The following GCN1 variants were observed in gnomAD, a reference collection of about 807,000 sequenced individuals.
GCN1 encodes GCN1 activator of EIF2AK4, also known as stalled ribosome sensor GCN1.
A neutral mutation model predicts 288.4 loss-of-function variants in GCN1; 90 were observed. The ratio of observed to expected loss-of-function variants is 0.31; its 90% CI spans 0.26 to 0.37. GCN1 has a LOEUF of 0.37. Ranked by LOEUF, GCN1 falls within the 10% of genes least tolerant of loss-of-function variation. The pLI, the probability that GCN1 is intolerant of heterozygous loss-of-function variation, is 1.00. For missense variants in GCN1, 2,586 were observed against 3,419.9 expected (o/e 0.76, Z 6.08); for synonymous variants, 1,386 against 1,420.2 (o/e 0.98, Z 0.54).
chr12:120,188,386 G>A (rs936042410), intron 2 of GCN1, among the ~76,000 whole-genome samples: 10 of 148,814 alleles, frequency 6.7e-5, no homozygotes, highest in Non-Finnish European at 1.5e-4. Context: ...GTGAGCAGAG[G>A]TCGCGCCACA....
At chr12:120,165,361 G>A (rs1460762355) in intron 16 of GCN1, among the ~76,000 whole-genome samples, 1 of 151,918 alleles carries the variant, frequency 6.6e-6, no homozygotes, top group Non-Finnish European at 1.5e-5. Context: ...GTAGAGACGG[G>A]GTTTCACCAG....
intron 1 of GCN1, among the ~76,000 whole-genome samples, chr12:120,191,231 C>T (rs888295491): frequency 1.3e-5 from 2 of 152,226 alleles, no homozygotes; most frequent in African/African-American, 4.8e-5. Flanking sequence ...TCGAGAGCCA[C>T]AGCACCTGCG....
In GCN1 at chr12:120,183,618, A is replaced by G; in HGVS notation, c.377T>C (p.Ile126Thr). Residue 126 changes from isoleucine (I) to threonine (T), a missense_variant, in exon 5 of 58, where the codon ATT (isoleucine) becomes ACT (threonine). By Grantham distance (89) the Ile-to-Thr change is moderately conservative. Coordinates refer to ENST00000300648, the MANE Select transcript of GCN1 (RefSeq NM_006836.2). ...ALTWTCLLVR[I>T]VFPSRAKRQG... ...TCGCTTGGCTCTCGATGGAAAGACA[A>G]TGCGCACCAGGAGGCAGGTCCAGGT... 1 of 1,613,846 alleles carries G rather than the reference A, an allele frequency of 6.2e-7. No homozygotes were observed. Among genetic ancestry groups the G allele is most frequent in the Non-Finnish European group, 8.5e-7 (1 of 1,179,754 alleles).
chr12:120,189,998 CA>C (rs948050626), intron 2 of GCN1, among the ~76,000 whole-genome samples: 4 of 150,908 alleles, frequency 2.7e-5, no homozygotes, highest in Admixed American at 2.6e-4. Context: ...GAAAAAAACA[CA>C]AAAAAAACCA....
intron 5 of GCN1, among the ~76,000 whole-genome samples, chr12:120,181,232 G>A (rs1412477573): frequency 6.6e-6 from 1 of 151,864 alleles, no homozygotes; most frequent in Non-Finnish European, 1.5e-5. Context: ...TTGGAAGACC[G>A]CAGCAGGTGG....
rs892313465 is a variant in GCN1, at chr12:120,151,161, G to C, written c.4293C>G (p.Asn1431Lys). ...GATGCTCACCCTCTCGCCGGCGGAA[G>C]TTCTTCTTATCTTGGATGGCATCAG... Reference protein sequence around the residue: ...ALTDAIQDKKNFRRREGALFA... With the variant: ...ALTDAIQDKKKFRRREGALFA... The change falls in exon 34 of 58, where the codon AAC becomes AAG. Residue 1431 changes from asparagine to lysine, a missense_variant. Physicochemically the swap from Asn to Lys is moderately conservative, Grantham distance 94. Transcript: ENST00000300648. The C allele has an allele frequency of 6.2e-7, 1 of 1,613,700 alleles. No homozygotes were observed. Among genetic ancestry groups the C allele is most frequent in the Non-Finnish European group, 8.5e-7 (1 of 1,179,972 alleles).
chr12:120,138,508 C>G, intron 46 of GCN1, 93 bp from the exon 47 acceptor site: 3 of 1,026,338 alleles, frequency 2.9e-6, no homozygotes, highest in Non-Finnish European at 4.6e-6. Flanking sequence ...GTTTCCCTCC[C>G]TCCTGTTGCA....
rs767995376 is a variant in GCN1, at chr12:120,136,772, C to A, written c.6778-40G>T. On this transcript the variant is annotated intron_variant, in intron 50 of 57. Transcript: ENST00000300648. ...ACAACTGAGAGTCAAATCTCAAACA[C>A]CCTGGGCCCTGGTGTCTCCCATGCA... 3.4e-6 allele frequency: 5 copies of A among 1,480,356 alleles called. No homozygotes were observed. The African/African-American group carries it at 6.9e-5, about 20-fold the overall frequency. The allele number at this position is 1,480,356 out of a possible 1,614,324, so 91.7% of individuals were successfully genotyped here.
intron 44 of GCN1, among the ~76,000 whole-genome samples, chr12:120,141,387 G>GA (rs369464044): frequency 2.0e-4 from 30 of 150,424 alleles, no homozygotes; most frequent in African/African-American, 6.1e-4. Flanking sequence ...AAGCTTTAAG[G>GA]AAAAAAAAAC....
intron 10 of GCN1, 58 bp from the exon 11 acceptor site, chr12:120,175,932 T>A: frequency 6.4e-7 from 1 of 1,573,824 alleles, no homozygotes; most frequent in Non-Finnish European, 8.6e-7. Context: ...CAGACTTTCG[T>A]CTTTGTCTTT....
chr12:120,134,314 G>A lies in GCN1; in HGVS notation c.7294C>T (p.Leu2432=), dbSNP rs1876925218. ...VIRKNIVSLL[L]SMLGHDEDNT... ...ACCTCATCGTGTCCCAGCATGCTCA[G>A]CAGGAGTGAGACGATGTTTTTCCGG... Residue 2432 remains leucine (L), a synonymous_variant, in exon 53 of 58, where the codon CTG becomes TTG. Coordinates refer to ENST00000300648, the MANE Select transcript of GCN1 (RefSeq NM_006836.2). This position sits in a 1 kb window ranked among gnomAD's most constrained non-coding sequence, Gnocchi z 5.0. The A allele has an allele frequency of 3.7e-6, 6 of 1,613,666 alleles. No individual in the cohort carries two copies. The highest frequency in any genetic ancestry group is 5.1e-6 in the Non-Finnish European group (6 of 1,179,630).
chr12:120,177,500 A>C lies in GCN1; in HGVS notation c.785T>G (p.Ile262Arg). 6.2e-7 allele frequency: 1 copy of C among 1,611,680 alleles called. No homozygotes were observed. Among genetic ancestry groups the C allele is most frequent in the Non-Finnish European group, 8.5e-7 (1 of 1,177,768 alleles). Reference sequence around the variant, plus strand: ...TAAGGACTTCTGTATGGTGGGCAGTATCAGATCCTTAAATTCTGAGTGGGA... The same window carrying C: ...TAAGGACTTCTGTATGGTGGGCAGTCTCAGATCCTTAAATTCTGAGTGGGA... ...YLSHSEFKDLILPTIQKSLLR... is the reference protein window; with the variant it reads ...YLSHSEFKDLRLPTIQKSLLR... The change falls in exon 9 of 58, where the codon ATA becomes AGA. Residue 262 changes from isoleucine to arginine, a missense_variant. Ile to Arg is a moderately conservative substitution (Grantham distance 97, BLOSUM62 -3). This residue lies in a region of GCN1 where 913 missense variants were observed against 1,107.0 expected (regional missense o/e 0.82). Coordinates refer to ENST00000300648, the MANE Select transcript of GCN1 (RefSeq NM_006836.2).
At chr12:120,130,527 G>A (rs1876780756) in intron 56 of GCN1, 119 bp downstream of exon 56, 1 of 700,180 alleles carries the variant, frequency 1.4e-6, no homozygotes, top group Middle Eastern at 2.5e-4. Context: ...TCTCCTGGAG[G>A]CCGTCCACGG....
rs150917814 is a variant in GCN1 at position 120,171,933 on chromosome 12, C to T, written c.1367-1612G>A. On this transcript the variant is annotated intron_variant, in intron 14 of 57. Transcript: ENST00000300648. ...GTAGAGACAGAGTCTTGCTATGTTT[C>T]CCTGCCTGATCTTGAACTCCTGGGC... Among the ~76,000 whole-genome samples, 1,000 of 152,312 alleles carry T rather than the reference C, an allele frequency of 6.6e-3. 23 individuals carry two copies. Among genetic ancestry groups the T allele is most frequent in the African/African-American group, 0.023 (956 of 41,566 alleles).
intron 16 of GCN1, 22 bp from the exon 17 acceptor site, chr12:120,164,743 G>C (rs1336524585): frequency 1.7e-5 from 26 of 1,559,810 alleles, no homozygotes; most frequent in Non-Finnish European, 2.3e-5. Flanking sequence ...GAAAAGGAAT[G>C]GAAGTGTTTT....
At chr12:120,190,499 CTGGGGTT>C in intron 1 of GCN1, 99 bp from the exon 2 acceptor site, 2 of 733,816 alleles carry the variant, frequency 2.7e-6, no homozygotes, top group East Asian at 5.0e-5. Flanking sequence ...TCTCTCTAAC[CTGGGGTT>C]TCTCAACCTC....
chr12:120,186,855 C>G (rs1340853407), intron 2 of GCN1, among the ~76,000 whole-genome samples: 1 of 152,198 alleles, frequency 6.6e-6, no homozygotes, highest in Non-Finnish European at 1.5e-5. Flanking sequence ...GGTGAAGTAA[C>G]TTGAAGCAGG....
At chr12:120,176,107 G>T in intron 10 of GCN1, 36 bp downstream of exon 10, 1 of 1,481,710 alleles carries the variant, frequency 6.7e-7, no homozygotes. Context: ...AACCCAAGGT[G>T]ACACTTATGG....
At chr12:120,180,149 A>T (rs569225846) in intron 5 of GCN1, among the ~76,000 whole-genome samples, 1 of 152,198 alleles carries the variant, frequency 6.6e-6, no homozygotes, top group Non-Finnish European at 1.5e-5. Context: ...TCTACTAAAA[A>T]TACAAAATTA....
Sources: allele counts gnomAD v4.1 joint callset (sites outside exome capture counted in the v4.1 genomes callset), GRCh38; gene constraint gnomAD v4.1.1; regional missense constraint gnomAD v4.1.1; non-coding constraint Gnocchi (gnomAD v3.1); transcripts MANE v1.5; gene names NCBI Gene and HGNC (gene_info 2026-07-23, HGNC 2026-07-21).